Variants in BBX observed in about 807,000 individuals in gnomAD.
BBX encodes HMG box transcription factor BBX.
A neutral mutation model predicts 100.2 loss-of-function variants in BBX; 30 were observed. The observed-to-expected ratio is 0.30, with a 90% confidence interval of 0.22 to 0.41. BBX has a LOEUF of 0.41. Ranked by LOEUF, BBX falls within the 10% of genes least tolerant of loss-of-function variation. The pLI is 1.00. For synonymous variants in BBX, 376 were observed against 388.1 expected (o/e 0.97, Z 0.37); for missense variants, 1,023 against 1,129.8 (o/e 0.91, Z 1.35).
chr3:107,568,651 A>G (rs148609127), intron 2 of BBX, among the ~76,000 whole-genome samples: 81 of 152,048 alleles, frequency 5.3e-4, no homozygotes, highest in African/African-American at 1.8e-3. Flanking sequence ...TCTGTCCTCT[A>G]TGTCTCCTAA....
chr3:107,621,980 T>C (rs1430942369), intron 2 of BBX, among the ~76,000 whole-genome samples: 1 of 152,210 alleles, frequency 6.6e-6, no homozygotes, highest in African/African-American at 2.4e-5. Context: ...GCTTTTTGTG[T>C]GTATCATTCT....
At chr3:107,617,329 C>T (rs1311217274) in intron 2 of BBX, among the ~76,000 whole-genome samples, 2 of 152,150 alleles carry the variant, frequency 1.3e-5, no homozygotes, top group Non-Finnish European at 2.9e-5. Context: ...TGACTCCTCA[C>T]ACTTTATTCA....
chr3:107,633,203 T>A (rs2056653228), intron 2 of BBX, among the ~76,000 whole-genome samples: 1 of 152,110 alleles, frequency 6.6e-6, no homozygotes, highest in Non-Finnish European at 1.5e-5. Flanking sequence ...AAAAAACAGT[T>A]ATATGAAAAT....
intron 3 of BBX, among the ~76,000 whole-genome samples, chr3:107,678,429 GTTA>G (rs1485643659): frequency 6.6e-6 from 1 of 152,098 alleles, no homozygotes; most frequent in Admixed American, 6.5e-5. Flanking sequence ...ATGGTTAGAA[GTTA>G]TTATGGGCCT....
At chr3:107,523,242 G>GGCGGCA (rs2047490367) in intron 1 of BBX, 135 bp downstream of exon 1, 2 of 224,728 alleles carry the variant, frequency 8.9e-6, no homozygotes, top group African/African-American at 2.4e-5. Flanking sequence ...CGGCGGCGGC[G>GGCGGCA]GCGGCAGCCG....
intron 3 of BBX, among the ~76,000 whole-genome samples, chr3:107,653,388 G>C (rs1304121891): frequency 6.6e-6 from 1 of 152,124 alleles, no homozygotes; most frequent in African/African-American, 2.4e-5. Context: ...CAGGCACTTT[G>C]GTTCATGTTG....
intron 3 of BBX, among the ~76,000 whole-genome samples, chr3:107,676,532 A>G (rs754206004): frequency 6.6e-6 from 1 of 152,178 alleles, no homozygotes; most frequent in Non-Finnish European, 1.5e-5. Flanking sequence ...CAGCAGTAAC[A>G]GTAATTACTG....
chr3:107,609,689 C>A (rs1323808701), intron 2 of BBX, among the ~76,000 whole-genome samples: 8 of 151,986 alleles, frequency 5.3e-5, no homozygotes, highest in Non-Finnish European at 1.0e-4. Flanking sequence ...ACAGTTGCCT[C>A]TAGTGATTCT....
At chr3:107,566,719 A>G (rs2050945476) in intron 2 of BBX, among the ~76,000 whole-genome samples, 1 of 151,918 alleles carries the variant, frequency 6.6e-6, no homozygotes, top group African/African-American at 2.4e-5. Context: ...TTTTTGGTAT[A>G]AAGTTGTTCT....
At chr3:107,586,486 TATAAA>T (rs1425144801) in intron 2 of BBX, among the ~76,000 whole-genome samples, 1 of 152,208 alleles carries the variant, frequency 6.6e-6, no homozygotes, top group African/African-American at 2.4e-5. Flanking sequence ...AGATGATAAA[TATAAA>T]AGAAATAATG....
chr3:107,603,794 G>GTC (rs2054235807), intron 2 of BBX, among the ~76,000 whole-genome samples: 2 of 152,130 alleles, frequency 1.3e-5, no homozygotes, highest in African/African-American at 2.4e-5. Flanking sequence ...CAAAGGGTAT[G>GTC]ACTCACTGAT....
chr3:107,745,981 G>T (rs1197880469), intron 8 of BBX, among the ~76,000 whole-genome samples: 4 of 151,914 alleles, frequency 2.6e-5, no homozygotes, highest in Non-Finnish European at 5.9e-5. Context: ...TATATAAAAG[G>T]TCTCTATCTC....
chr3:107,525,237 C>G (rs2047674032), intron 1 of BBX, among the ~76,000 whole-genome samples: 1 of 150,870 alleles, frequency 6.6e-6, no homozygotes, highest in Admixed American at 6.6e-5. Context: ...ATGGCAGCGC[C>G]GGGCCGGGCG....
chr3:107,747,601 T>A (rs1480708449), intron 8 of BBX, among the ~76,000 whole-genome samples: 1 of 151,638 alleles, frequency 6.6e-6, no homozygotes, highest in Non-Finnish European at 1.5e-5. Context: ...GGGAAGAGAG[T>A]GAGGGAGTGG....
intron 2 of BBX, among the ~76,000 whole-genome samples, chr3:107,608,624 G>A (rs984373356): frequency 6.6e-6 from 1 of 151,978 alleles, no homozygotes; most frequent in African/African-American, 2.4e-5. Flanking sequence ...TTTTGAGAGG[G>A]ATTATATTCA....
chr3:107,620,571 T>C (rs73850111), intron 2 of BBX, among the ~76,000 whole-genome samples: 91 of 152,338 alleles, frequency 6.0e-4, no homozygotes, highest in African/African-American at 2.1e-3. Flanking sequence ...CGCTGTCTTA[T>C]TATTGCAAGA....
chr3:107,802,421 G>A (rs1395238959), intron 17 of BBX, among the ~76,000 whole-genome samples: 1 of 152,234 alleles, frequency 6.6e-6, no homozygotes, highest in Non-Finnish European at 1.5e-5. Flanking sequence ...AATGCTCACA[G>A]ACATTGTTAA....
chr3:107,658,654 G>A (rs968327490), intron 3 of BBX, among the ~76,000 whole-genome samples: 4 of 152,060 alleles, frequency 2.6e-5, no homozygotes, highest in African/African-American at 4.8e-5. Flanking sequence ...CTTGCCCTAG[G>A]TAGTAATGAT....
chr3:107,702,145 G>A (rs1279815402), intron 3 of BBX, among the ~76,000 whole-genome samples: 2 of 152,200 alleles, frequency 1.3e-5, no homozygotes, highest in Non-Finnish European at 2.9e-5. Context: ...GGATAGACCT[G>A]AGAAGAAAAA....
Sources: allele counts gnomAD v4.1 joint callset (sites outside exome capture counted in the v4.1 genomes callset), GRCh38; gene constraint gnomAD v4.1.1; transcripts MANE v1.5; gene names NCBI Gene and HGNC (gene_info 2026-07-23, HGNC 2026-07-21).